KALRN: variants seen among roughly 807,000 people sequenced by gnomAD.
KALRN encodes the protein kalirin RhoGEF kinase, also known as kalirin.
Under a neutral mutation model 353.7 loss-of-function variants are expected in KALRN, and 70 were observed. The ratio of observed to expected loss-of-function variants is 0.20; its 90% CI spans 0.16 to 0.24. KALRN has a LOEUF of 0.24. Ranked by LOEUF, KALRN falls within the 10% of genes least tolerant of loss-of-function variation. The pLI is 1.00. For synonymous variants in KALRN, 1,391 were observed against 1,434.8 expected (o/e 0.97, Z 0.69); for missense variants, 2,791 against 3,756.7 (o/e 0.74, Z 6.72).
intron 17 of KALRN, among the ~76,000 whole-genome samples, chr3:124,436,829 A>T (rs1405361028): frequency 4.3e-5 from 5 of 116,262 alleles, no homozygotes; most frequent in Admixed American, 3.4e-4. Context: ...AGATCTTCTC[A>T]TGTGATGCTA....
chr3:124,168,082 T>G (rs542924800), intron 1 of KALRN, among the ~76,000 whole-genome samples: 2 of 152,320 alleles, frequency 1.3e-5, no homozygotes, highest in East Asian at 3.9e-4. Flanking sequence ...GCTGAAAAGG[T>G]TTTTGGTTTC....
At chr3:124,487,027 A>T (rs569199119) in intron 28 of KALRN, among the ~76,000 whole-genome samples, 72 of 152,268 alleles carry the variant, frequency 4.7e-4, no homozygotes, top group African/African-American at 1.7e-3. Flanking sequence ...TCTGTCATTA[A>T]CGTGTTTACA....
intron 3 of KALRN, among the ~76,000 whole-genome samples, chr3:124,245,928 A>G (rs573538234): frequency 6.6e-6 from 1 of 152,266 alleles, no homozygotes; most frequent in African/African-American, 2.4e-5. Context: ...TTCCAAATTT[A>G]TCAATTTATA....
intron 14 of KALRN, among the ~76,000 whole-genome samples, chr3:124,415,415 C>T (rs1286490647): frequency 6.6e-6 from 1 of 152,168 alleles, no homozygotes; most frequent in Non-Finnish European, 1.5e-5. Context: ...AAATGTGATC[C>T]CCATGTCAGC....
rs2063317203 is a variant in KALRN, at chr3:124,492,874, T to C, written c.4824T>C (p.Asn1608=). 1 of 1,613,920 alleles carries C rather than the reference T, an allele frequency of 6.2e-7. No homozygotes were observed. The highest frequency in any genetic ancestry group is 8.5e-7 in the Non-Finnish European group (1 of 1,179,896). The part of the protein sequence containing the change: ...LPKTPAKQRN[N]SKRDGVEDID... Reference sequence around the variant, plus strand: ...AAACACCAGCCAAACAGAGGAACAATAGTAAGAGGTAACCAGCACCTCTCC... The same window carrying C: ...AAACACCAGCCAAACAGAGGAACAACAGTAAGAGGTAACCAGCACCTCTCC... Residue 1608 remains asparagine (N), a synonymous_variant, in exon 32 of 60, where the codon AAT becomes AAC. Coordinates refer to ENST00000682506, the MANE Select transcript of KALRN (RefSeq NM_001388419.1).
At position 124,211,687 on chromosome 3, in the gene KALRN, G is replaced by C. The variant is rs112773715; in HGVS notation, c.74-16303G>C. 6.8e-3 allele frequency among the ~76,000 whole-genome samples: 1,033 copies of C among 152,232 alleles called. 12 individuals carry two copies. The highest frequency in any genetic ancestry group is 0.024 in the African/African-American group (983 of 41,544). On this transcript the variant is annotated intron_variant, in intron 1 of 59. Transcript: ENST00000682506. ...ATATTCTAGTTGGATGTTTGTTGGA[G>C]TCTTCATCGCTGCATGATGAGGACT... is the stretch of plus-strand genomic sequence containing the variant.
intron 6 of KALRN, among the ~76,000 whole-genome samples, chr3:124,304,750 G>A (rs541321442): frequency 6.6e-6 from 1 of 152,268 alleles, no homozygotes; most frequent in Non-Finnish European, 1.5e-5. Context: ...AACTCAGTAA[G>A]TTTGAAACTC....
At chr3:124,228,717 A>G (rs929650181) in intron 2 of KALRN, among the ~76,000 whole-genome samples, 7 of 152,162 alleles carry the variant, frequency 4.6e-5, no homozygotes, top group Admixed American at 2.6e-4. Flanking sequence ...GGTGCAACAA[A>G]TTTCCATGAG....
chr3:124,337,447 A>G (rs1041187864), intron 9 of KALRN, among the ~76,000 whole-genome samples: 1 of 152,202 alleles, frequency 6.6e-6, no homozygotes, highest in East Asian at 1.9e-4. Context: ...GATTATGTTT[A>G]TTGATTTGCG....
chr3:124,331,862 A>G (rs1213593476), intron 8 of KALRN, among the ~76,000 whole-genome samples: 1 of 152,190 alleles, frequency 6.6e-6, no homozygotes, highest in African/African-American at 2.4e-5. Context: ...TGAGCTGTCC[A>G]TGCTTCCTAC....
intron 43 of KALRN, 32 bp from the exon 44 acceptor site, chr3:124,660,891 C>T (rs1450641774): frequency 1.3e-6 from 2 of 1,538,810 alleles, no homozygotes; most frequent in Non-Finnish European, 1.8e-6. Flanking sequence ...TTACCCCTTC[C>T]CACACTCTTG....
chr3:124,375,936 A>G (rs1359746933), intron 10 of KALRN, among the ~76,000 whole-genome samples: 1 of 152,124 alleles, frequency 6.6e-6, no homozygotes, highest in African/African-American at 2.4e-5. Flanking sequence ...TTCTAGGCCC[A>G]TGTACCTTCC....
chr3:124,368,449 A>T (rs1478350339), intron 10 of KALRN, among the ~76,000 whole-genome samples: 1 of 144,474 alleles, frequency 6.9e-6, no homozygotes, highest in African/African-American at 2.6e-5. Context: ...GGCGCTCCGC[A>T]CATCTCAGAC....
intron 6 of KALRN, 99 bp from the exon 7 acceptor site, chr3:124,325,881 T>C (rs1258048349): frequency 4.3e-6 from 4 of 935,700 alleles, no homozygotes; most frequent in Non-Finnish European, 6.6e-6. Flanking sequence ...CTCAGACTTT[T>C]GTTTTGGGCA....
Position 124,298,905 on chromosome 3 carries a change from A to G in KALRN, c.1084A>G (p.Asn362Asp), listed in dbSNP as rs1580675946. 1.9e-6 allele frequency: 3 copies of G among 1,614,022 alleles called. No homozygotes were observed. Among genetic ancestry groups the G allele is most frequent in the Non-Finnish European group, 1.7e-6 (2 of 1,180,000 alleles). ...GACGCAGCACAATCACTTTGCCATGAACTCCATGGTGAGCTGAGGGGCTGT... is the reference window on the plus strand; with the variant it reads ...GACGCAGCACAATCACTTTGCCATGGACTCCATGGTGAGCTGAGGGGCTGT... ...LQTQHNHFAM[N>D]SMNAYVNINR... The change falls in exon 6 of 60, where the codon AAC (asparagine) becomes GAC (aspartate). Residue 362 changes from asparagine to aspartate, a missense_variant. Asn to Asp is a conservative substitution (Grantham distance 23). Coordinates refer to ENST00000682506, the MANE Select transcript of KALRN (RefSeq NM_001388419.1).
At chr3:124,551,372 A>C (rs577783623) in intron 33 of KALRN, among the ~76,000 whole-genome samples, 1 of 152,356 alleles carries the variant, frequency 6.6e-6, no homozygotes, top group East Asian at 1.9e-4. Flanking sequence ...CAAAAACTTG[A>C]CATGAAGATG....
chr3:124,312,007 A>G (rs895045574), intron 6 of KALRN, among the ~76,000 whole-genome samples: 1 of 152,244 alleles, frequency 6.6e-6, no homozygotes, highest in Non-Finnish European at 1.5e-5. Context: ...TGGAAGGGGT[A>G]TAAGAGAGTT....
intron 6 of KALRN, among the ~76,000 whole-genome samples, chr3:124,321,157 A>C (rs1464043313): frequency 6.6e-6 from 1 of 152,176 alleles, no homozygotes; most frequent in African/African-American, 2.4e-5. Flanking sequence ...GCTTTATGTT[A>C]TCTCATGTAA....
intron 14 of KALRN, among the ~76,000 whole-genome samples, chr3:124,419,714 G>C (rs564292621): frequency 3.3e-4 from 50 of 152,268 alleles, no homozygotes; most frequent in Middle Eastern, 3.4e-3. Context: ...GAAGTGTTCT[G>C]ATTGGAGTAT....
Sources: gnomAD v4.1 joint callset for allele counts (sites outside exome capture counted in the v4.1 genomes callset) on GRCh38, gnomAD v4.1.1 for gene constraint, MANE v1.5 for transcripts, NCBI Gene and HGNC (gene_info 2026-07-23, HGNC 2026-07-21) for gene names.